WNT7B: variants seen among roughly 807,000 people sequenced by gnomAD.
WNT7B encodes the protein Wnt family member 7B.
A neutral mutation model predicts 38.2 loss-of-function variants in WNT7B; 19 were observed. The ratio of observed to expected loss-of-function variants is 0.50; its 90% confidence interval spans 0.35 to 0.73. The LOEUF (loss-of-function observed/expected upper bound fraction) is 0.73. Among genes scored for constraint, WNT7B ranks in the 30% least tolerant of loss-of-function variants. The pLI, the probability that WNT7B is intolerant of heterozygous loss-of-function variation, is 0.01. For synonymous variants in WNT7B, 243 were observed against 209.3 expected (o/e 1.16, Z -1.39); for missense variants, 423 against 507.9 (o/e 0.83, Z 1.61).
intron 1 of WNT7B, among the ~76,000 whole-genome samples, chr22:45,969,282 C>T (rs940669075): frequency 3.9e-5 from 6 of 152,226 alleles, no homozygotes; most frequent in Non-Finnish European, 8.8e-5. Context: ...CCAGAGCAGG[C>T]GGTCACCATG....
intron 1 of WNT7B, among the ~76,000 whole-genome samples, chr22:45,956,626 T>A (rs1410101984): frequency 6.6e-6 from 1 of 152,044 alleles, no homozygotes; most frequent in Non-Finnish European, 1.5e-5. Context: ...CGCACATGGG[T>A]CTATAGCACA....
chr22:45,926,223 G>A (rs1468763027), intron 3 of WNT7B: 1 of 985,304 alleles, frequency 1.0e-6, no homozygotes, highest in Non-Finnish European at 1.2e-6. Context: ...AGTGCCCTGG[G>A]CATTCGAGCA....
At chr22:45,967,116 C>G (rs951620848) in intron 1 of WNT7B, among the ~76,000 whole-genome samples, 1 of 152,206 alleles carries the variant, frequency 6.6e-6, no homozygotes, top group African/African-American at 2.4e-5. Flanking sequence ...TGTACCCACC[C>G]CCACCCTGCC....
At chr22:45,931,076 A>G in intron 3 of WNT7B, 22 bp downstream of exon 3, 1 of 1,541,058 alleles carries the variant, frequency 6.5e-7, no homozygotes, top group Non-Finnish European at 8.7e-7. Flanking sequence ...TACGGCCCCC[A>G]CCAGCCGCAC....
chr22:45,931,059 T>G, intron 3 of WNT7B, 39 bp downstream of exon 3: 3 of 1,527,520 alleles, frequency 2.0e-6, no homozygotes, highest in Non-Finnish European at 2.6e-6. Flanking sequence ...GATACAGCGG[T>G]CCCAGCTACG....
chr22:45,939,484 T>TACAGTGTGGATACATGG, intron 2 of WNT7B, among the ~76,000 whole-genome samples: 1 of 152,312 alleles, frequency 6.6e-6, no homozygotes, highest in East Asian at 1.9e-4. Flanking sequence ...TGATACATGC[T>TACAGTGTGGATACATGG]ACAGTGTGGA....
chr22:45,961,403 A>C (rs549863451), intron 1 of WNT7B, among the ~76,000 whole-genome samples: 37 of 152,294 alleles, frequency 2.4e-4, no homozygotes, highest in Admixed American at 5.9e-4. Context: ...GGACAGGCCC[A>C]AAGCGCTCCC....
At position 45,925,957 on chromosome 22, in the gene WNT7B, T is replaced by G. The variant is rs547131284; in HGVS notation, c.571-2622A>C. The G allele has an allele frequency of 9.4e-4, 928 of 985,286 alleles. 5 individuals carry two copies. In the African/African-American group the frequency reaches 0.015, roughly 16 times the overall value. 61.0% of individuals were successfully genotyped at this position (985,286 alleles called of 1,614,324 possible). A position where few individuals can be genotyped will look rare whatever the true frequency, so the allele number is the denominator to read the frequency against. On this transcript the variant is annotated intron_variant, in intron 3 of 3. Coordinates refer to ENST00000339464, the MANE Select transcript of WNT7B (RefSeq NM_058238.3). ...GATGGCTGCCCCTGGTACTGTGCCC[T>G]GTATCCCTCCCCCTCCTCCCTCCCC...
rs1007292465 is a variant in WNT7B at position 45,976,275 on chromosome 22, GC to G, written c.71+408del. 6.8e-6 allele frequency among the ~76,000 whole-genome samples: 1 copy of G among 147,470 alleles called. No individual in the cohort carries two copies. Among genetic ancestry groups the G allele is most frequent in the African/African-American group, 2.4e-5 (1 of 41,010 alleles). On this transcript the variant is annotated intron_variant, in intron 1 of 3. Coordinates refer to ENST00000339464, the MANE Select transcript of WNT7B (RefSeq NM_058238.3). This position sits in a 1 kb window ranked among gnomAD's most constrained non-coding sequence, Gnocchi z 8.5. ...TCCCGGGCCTCCGCAGGCGCCGGAC[GC>G]CCCCCGACCCCGCCCCGGCGCACCC...
At chr22:45,964,422 C>T (rs192662592) in intron 1 of WNT7B, among the ~76,000 whole-genome samples, 7 of 152,098 alleles carry the variant, frequency 4.6e-5, no homozygotes, top group South Asian at 4.1e-4. Context: ...GCAGGCCAGC[C>T]CCCCCCAGGC....
chr22:45,923,445 C>T, intron 3 of WNT7B, 110 bp from the exon 4 acceptor site: 1 of 1,441,550 alleles, frequency 6.9e-7, no homozygotes, highest in Non-Finnish European at 9.1e-7. Flanking sequence ...TCCCCTTGGG[C>T]TGTGTGACCA....
Position 45,955,338 on chromosome 22 carries a change from G to C in WNT7B, c.72-5192C>G, listed in dbSNP as rs192977787. Among the ~76,000 whole-genome samples the C allele has an allele frequency of 2.9e-3, 446 of 152,364 alleles. 13 individuals are homozygous for C. Among genetic ancestry groups the C allele is most frequent in the Admixed American group, 0.021 (315 of 15,312 alleles). ...TTAGAGAATGGTCGGCATGGGAAGT[G>C]GGGGAAAAATATCTACCAACTATTT... is the stretch of plus-strand genomic sequence containing the variant. On this transcript the variant is annotated intron_variant, in intron 1 of 3. Transcript: ENST00000339464.
Position 45,976,775 on chromosome 22 carries a change from G to A in WNT7B, c.-21C>T, listed in dbSNP as rs751102788. 8 of 1,595,726 alleles carry A rather than the reference G, an allele frequency of 5.0e-6. No individual in the cohort carries two copies. Among genetic ancestry groups the A allele is most frequent in the East Asian group, 4.6e-5 (2 of 43,836 alleles). ...TGCATGATCCAGGGAGGGGGGCTGC[G>A]CCATAGACAGCGGCGGCCGGAGGGG... is the stretch of plus-strand genomic sequence containing the variant. On this transcript the variant is annotated 5_prime_UTR_variant, in exon 1 of 4. Transcript: ENST00000339464. This position sits in a 1 kb window ranked among gnomAD's most constrained non-coding sequence, Gnocchi z 8.5.
chr22:45,929,647 TCCA>T (rs1931240343), intron 3 of WNT7B, among the ~76,000 whole-genome samples: 5 of 88,226 alleles, frequency 5.7e-5, no homozygotes, highest in African/African-American at 2.7e-4. Flanking sequence ...CATCCACTCA[TCCA>T]TCCTTCCACC....
intron 3 of WNT7B, among the ~76,000 whole-genome samples, chr22:45,928,449 C>T (rs569814805): frequency 1.4e-4 from 22 of 152,034 alleles, no homozygotes; most frequent in South Asian, 2.1e-4. Flanking sequence ...ACCCACTGTG[C>T]AGATGAGGAG....
chr22:45,929,520 C>A (rs1173442342), intron 3 of WNT7B, among the ~76,000 whole-genome samples: 75 of 143,562 alleles, frequency 5.2e-4, no homozygotes, highest in African/African-American at 1.9e-3. Flanking sequence ...ATACTTCCGT[C>A]CATCTTTCCA....
chr22:45,935,449 C>T (rs1401412024), intron 2 of WNT7B, among the ~76,000 whole-genome samples: 1 of 152,222 alleles, frequency 6.6e-6, no homozygotes, highest in African/African-American at 2.4e-5. Context: ...TGGCTTCCTG[C>T]CGCCTGCCCT....
intron 3 of WNT7B, among the ~76,000 whole-genome samples, chr22:45,930,757 G>C (rs76578674): frequency 8.5e-5 from 13 of 152,172 alleles, no homozygotes; most frequent in East Asian, 3.9e-4. Context: ...GGAACGCCAA[G>C]GGCAGGGACA....
intron 1 of WNT7B, among the ~76,000 whole-genome samples, chr22:45,964,823 C>T (rs777146764): frequency 6.6e-6 from 1 of 152,168 alleles, no homozygotes; most frequent in Non-Finnish European, 1.5e-5. Flanking sequence ...GGCAACCCTG[C>T]AACCCTAGAC....
Sources: gnomAD v4.1 joint callset for allele counts (sites outside exome capture counted in the v4.1 genomes callset) on GRCh38, gnomAD v4.1.1 for gene constraint, Gnocchi (gnomAD v3.1) non-coding constraint, MANE v1.5 for transcripts, NCBI Gene and HGNC (gene_info 2026-07-23, HGNC 2026-07-21) for gene names.